TBC1D1: variants seen among roughly 807,000 people sequenced by gnomAD.
The protein encoded by TBC1D1 is TBC1 domain family member 1.
TBC1D1 carries 89 observed loss-of-function variants against 125.6 expected under a neutral mutation model. The observed-to-expected ratio is 0.71, with a 90% CI of 0.60 to 0.85. The LOEUF (loss-of-function observed/expected upper bound fraction) is 0.85. Among genes scored for constraint, TBC1D1 ranks in the 40% least tolerant of loss-of-function variants. TBC1D1 has a pLI of 0.00. For missense variants in TBC1D1, 1,377 were observed against 1,469.2 expected (o/e 0.94, Z 1.03); for synonymous variants, 565 against 564.1 (o/e 1.00, Z -0.02).
intron 2 of TBC1D1, among the ~76,000 whole-genome samples, chr4:37,919,576 A>G (rs916599406): frequency 2.0e-5 from 3 of 152,132 alleles, no homozygotes; most frequent in Admixed American, 6.5e-5. Context: ...ATATGTGATC[A>G]CTGGTTAAAA....
At chr4:37,996,236 C>A in intron 2 of TBC1D1, 1 of 284,790 alleles carries the variant, frequency 3.5e-6, no homozygotes, top group South Asian at 3.5e-5. Context: ...CTCTGGTCTT[C>A]TGGCCAGTCG....
rs549651985 is a variant in TBC1D1, at chr4:37,967,331, C to T, written c.418-47178C>T. Among the ~76,000 whole-genome samples, 3 of 152,070 alleles carry T rather than the reference C, an allele frequency of 2.0e-5. No individual in the cohort carries two copies. The South Asian group carries it at 6.2e-4, about 32-fold the overall frequency. On this transcript the variant is annotated intron_variant, in intron 2 of 19. Coordinates refer to ENST00000261439, the MANE Select transcript of TBC1D1 (RefSeq NM_015173.4). ...GCAACATGGTGAAACCCCGTCTCTA[C>T]TAAAAATACAAAAATTAGCTGGGCG...
At chr4:38,085,240 GCAGTTGT>G (rs1757292990) in intron 12 of TBC1D1, among the ~76,000 whole-genome samples, 1 of 152,180 alleles carries the variant, frequency 6.6e-6, no homozygotes, top group African/African-American at 2.4e-5. Flanking sequence ...TTAATAGGAG[GCAGTTGT>G]CTCCAAGGCC....
intron 12 of TBC1D1, among the ~76,000 whole-genome samples, chr4:38,085,356 G>C (rs1046901845): frequency 2.0e-5 from 3 of 152,084 alleles, no homozygotes; most frequent in Non-Finnish European, 4.4e-5. Flanking sequence ...GTCATTATAG[G>C]AGATGTCAGA....
chr4:38,110,991 G>A (rs1052314778), intron 15 of TBC1D1, among the ~76,000 whole-genome samples: 1 of 152,248 alleles, frequency 6.6e-6, no homozygotes, highest in Non-Finnish European at 1.5e-5. Flanking sequence ...TTTGCTCATA[G>A]TTAAGGTGCC....
At chr4:38,057,137 A>G (rs1392270158) in intron 12 of TBC1D1, among the ~76,000 whole-genome samples, 1 of 152,054 alleles carries the variant, frequency 6.6e-6, no homozygotes, top group Non-Finnish European at 1.5e-5. Flanking sequence ...CTGCAGGAAG[A>G]TGTCTAGAGA....
chr4:38,055,277 C>G (rs995703720), intron 12 of TBC1D1, among the ~76,000 whole-genome samples: 6 of 152,154 alleles, frequency 3.9e-5, no homozygotes, highest in African/African-American at 1.4e-4. Context: ...ACGAGCTACC[C>G]GCTGTAACCA....
At chr4:38,006,266 G>T (rs563918979) in intron 2 of TBC1D1, among the ~76,000 whole-genome samples, 19 of 151,844 alleles carry the variant, frequency 1.3e-4, no homozygotes, top group African/African-American at 4.6e-4. Context: ...ATATTACACA[G>T]CCAAGGCCAA....
At chr4:38,127,170 T>C (rs1764792095) in intron 18 of TBC1D1, among the ~76,000 whole-genome samples, 1 of 151,974 alleles carries the variant, frequency 6.6e-6, no homozygotes, top group South Asian at 2.1e-4. Context: ...TCCTAAGTAT[T>C]GAGCCTCAGA....
chr4:38,038,023 A>G (rs542518196), intron 8 of TBC1D1, among the ~76,000 whole-genome samples: 85 of 152,356 alleles, frequency 5.6e-4, no homozygotes, highest in Admixed American at 3.7e-3. Context: ...CAAGTGCCAG[A>G]TAGAGTTCTC....
chr4:38,052,703 TACACACACACGCGCGCGCGCGCGC>T, intron 11 of TBC1D1, among the ~76,000 whole-genome samples: 1 of 128,316 alleles, frequency 7.8e-6, no homozygotes, highest in South Asian at 2.4e-4. Flanking sequence ...CATGCGTATA[TACACACACACGCGCGCGCGCGCGC>T]GCACACACAC....
At chr4:37,891,691 G>T (rs945543728) in intron 1 of TBC1D1, among the ~76,000 whole-genome samples, 2 of 131,202 alleles carry the variant, frequency 1.5e-5, no homozygotes, top group African/African-American at 6.0e-5. Context: ...TGTTTGCAAG[G>T]CGACCAGATT....
intron 12 of TBC1D1, among the ~76,000 whole-genome samples, chr4:38,072,022 C>T (rs996250060): frequency 2.0e-5 from 3 of 152,184 alleles, no homozygotes; most frequent in East Asian, 1.9e-4. Flanking sequence ...GCTGGTGCCA[C>T]AGCAGTCTCC....
At chr4:38,133,055 G>C (rs1765861622) in intron 18 of TBC1D1, 29 bp from the exon 21 acceptor site, 1 of 1,594,454 alleles carries the variant, frequency 6.3e-7, no homozygotes, top group African/African-American at 1.4e-5. Flanking sequence ...CTCAGTTTTA[G>C]TACGTGATGA....
At chr4:38,083,182 A>G (rs189530851) in intron 12 of TBC1D1, among the ~76,000 whole-genome samples, 44 of 152,270 alleles carry the variant, frequency 2.9e-4, no homozygotes, top group African/African-American at 1.1e-3. Flanking sequence ...CTGCCAGGAT[A>G]TGGTTAAAGT....
chr4:37,908,168 G>A (rs956120641), intron 2 of TBC1D1, among the ~76,000 whole-genome samples: 2 of 152,088 alleles, frequency 1.3e-5, no homozygotes, highest in African/African-American at 4.8e-5. Flanking sequence ...AGTGTGTGCC[G>A]GGCCCAGGGT....
chr4:38,060,394 C>T (rs1250479127), intron 12 of TBC1D1, among the ~76,000 whole-genome samples: 2 of 152,216 alleles, frequency 1.3e-5, no homozygotes, highest in Non-Finnish European at 2.9e-5. Flanking sequence ...TCTGTTGTTT[C>T]TTGACTTTTT....
At chr4:38,035,990 G>A (rs541950102) in intron 8 of TBC1D1, among the ~76,000 whole-genome samples, 1 of 152,280 alleles carries the variant, frequency 6.6e-6, no homozygotes, top group Admixed American at 6.5e-5. Context: ...TGAGCTGCTT[G>A]GCTTGCAGGG....
At position 38,103,017 on chromosome 4, in the gene TBC1D1, G is replaced by A. The variant is rs746140219; in HGVS notation, c.2417G>A (p.Arg806Gln). The A allele has an allele frequency of 2.5e-6, 4 of 1,613,784 alleles. No homozygotes were observed. Among genetic ancestry groups the A allele is most frequent in the African/African-American group, 1.3e-5 (1 of 74,874 alleles). The change falls in exon 15 of 20, where the codon CGA becomes CAA. Residue 806 changes from arginine (R) to glutamine (Q), a missense_variant. Transcript: ENST00000261439. The stretch of plus-strand genomic sequence containing the variant: ...TTTAAAGGTGTGCCACGTCATCACC[G>A]AGGTGAAATCTGGAAATTTCTAGCT...
Sources: allele counts gnomAD v4.1 joint callset (sites outside exome capture counted in the v4.1 genomes callset), GRCh38; gene constraint gnomAD v4.1.1; transcripts MANE v1.5; gene names NCBI Gene and HGNC (gene_info 2026-07-23, HGNC 2026-07-21).